Variants in ITGB5 observed in about 807,000 individuals in gnomAD.
The protein encoded by ITGB5 is integrin beta-5.
In ITGB5, 38 loss-of-function variants were observed where a neutral mutation model predicts 84.8. The ratio of observed to expected loss-of-function variants is 0.45; its 90% confidence interval spans 0.35 to 0.59. The LOEUF is 0.59. Among genes scored for constraint, ITGB5 ranks in the 20% least tolerant of loss-of-function variants. The pLI is 0.01. For synonymous variants in ITGB5, 393 were observed against 414.4 expected (o/e 0.95, Z 0.63); for missense variants, 905 against 1,034.5 (o/e 0.87, Z 1.72).
intron 9 of ITGB5, among the ~76,000 whole-genome samples, chr3:124,802,899 C>T (rs1405801556): frequency 6.6e-6 from 1 of 152,116 alleles, no homozygotes. Context: ...TGACCATGGC[C>T]CTCGGACAGC....
chr3:124,877,118 A>T (rs565244541), intron 1 of ITGB5, among the ~76,000 whole-genome samples: 1 of 148,762 alleles, frequency 6.7e-6, no homozygotes, highest in South Asian at 2.1e-4. Flanking sequence ...CTCCAGGTAC[A>T]CATCACCACA....
At chr3:124,879,738 T>C (rs1334591638) in intron 1 of ITGB5, among the ~76,000 whole-genome samples, 1 of 152,106 alleles carries the variant, frequency 6.6e-6, no homozygotes, top group Non-Finnish European at 1.5e-5. Flanking sequence ...AAGTTAAAAA[T>C]AAAAAGCAAG....
chr3:124,884,617 G>A (rs1934721510), intron 1 of ITGB5, among the ~76,000 whole-genome samples: 2 of 152,102 alleles, frequency 1.3e-5, no homozygotes, highest in South Asian at 4.1e-4. Flanking sequence ...TTGAACCTGA[G>A]AGGCAGAGGT....
Sources: allele counts gnomAD v4.1 joint callset (sites outside exome capture counted in the v4.1 genomes callset), GRCh38; gene constraint gnomAD v4.1.1; transcripts MANE v1.5; gene names NCBI Gene and HGNC (gene_info 2026-07-23, HGNC 2026-07-21).